B4GALT6: variants seen among roughly 807,000 people sequenced by gnomAD.
B4GALT6 encodes beta-1,4-galactosyltransferase 6, also known as UDP-Gal:beta-GlcNAc beta-1,4-galactosyltransferase 6.
B4GALT6 carries 14 observed loss-of-function variants against 46.3 expected under a neutral mutation model. That is an observed-to-expected ratio of 0.30 (90% confidence interval 0.20 to 0.47). The LOEUF is 0.47. B4GALT6 is among the 20% of genes least tolerant of loss of function. The pLI is 0.99. For synonymous variants in B4GALT6, 168 were observed against 162.0 expected, an observed-to-expected ratio of 1.04 and a Z score of -0.28; for missense variants, 386 against 480.1, an observed-to-expected ratio of 0.80 and a Z score of 1.83.
chr18:31,702,327 C>T, the B4GALT6 span, among the ~76,000 whole-genome samples: 1 of 152,124 alleles, frequency 6.6e-6, no homozygotes, highest in African/African-American at 2.4e-5. Context: ...GATACAAGCA[C>T]AGGGATCTAT....
chr18:31,649,192 C>G (rs955132909), intron 3 of B4GALT6, among the ~76,000 whole-genome samples: 9 of 152,222 alleles, frequency 5.9e-5, no homozygotes, highest in African/African-American at 1.9e-4. Context: ...ACACTAGATA[C>G]TGCCTATTTC....
chr18:31,697,655 G>C, the B4GALT6 span, among the ~76,000 whole-genome samples: 1 of 152,162 alleles, frequency 6.6e-6, no homozygotes, highest in African/African-American at 2.4e-5. Context: ...CTTGGCCTAT[G>C]TGCAGAAGAA....
chr18:31,705,542 C>G, the B4GALT6 span, among the ~76,000 whole-genome samples: 1 of 152,214 alleles, frequency 6.6e-6, no homozygotes, highest in Non-Finnish European at 1.5e-5. Flanking sequence ...GCACCCACCA[C>G]CACGCCCAGC....
At chr18:31,678,304 A>G (rs2074438361) in intron 1 of B4GALT6, among the ~76,000 whole-genome samples, 1 of 152,166 alleles carries the variant, frequency 6.6e-6, no homozygotes, top group African/African-American at 2.4e-5. Flanking sequence ...CACTGATTGC[A>G]GGTCAGTTAG....
At chr18:31,635,166 G>A (rs1048787754) in intron 5 of B4GALT6, among the ~76,000 whole-genome samples, 2 of 152,046 alleles carry the variant, frequency 1.3e-5, no homozygotes, top group African/African-American at 2.4e-5. Flanking sequence ...AGGAGGCAGA[G>A]GTTGCAGTGA....
chr18:31,643,514 G>T (rs2073955634), intron 4 of B4GALT6, among the ~76,000 whole-genome samples: 1 of 152,030 alleles, frequency 6.6e-6, no homozygotes, highest in Non-Finnish European at 1.5e-5. Context: ...GGCCAGGCTG[G>T]TCTCAAACTC....
intron 1 of B4GALT6, among the ~76,000 whole-genome samples, chr18:31,683,277 G>A (rs2074501958): frequency 6.6e-6 from 1 of 152,162 alleles, no homozygotes; most frequent in Non-Finnish European, 1.5e-5. Context: ...AATTCTGCAG[G>A]TGTTTTCACT....
chr18:31,663,543 G>A (rs2074244580), intron 2 of B4GALT6, among the ~76,000 whole-genome samples: 1 of 152,070 alleles, frequency 6.6e-6, no homozygotes, highest in South Asian at 2.1e-4. Context: ...CAGAAAGTCA[G>A]GTATAGGATT....
At chr18:31,649,378 A>T (rs2074031636) in intron 3 of B4GALT6, among the ~76,000 whole-genome samples, 1 of 152,210 alleles carries the variant, frequency 6.6e-6, no homozygotes, top group African/African-American at 2.4e-5. Context: ...TGAATGAATG[A>T]ATGAATGAGT....
upstream of B4GALT6, among the ~76,000 whole-genome samples, chr18:31,687,061 G>A (rs1173724678): frequency 6.6e-6 from 1 of 152,136 alleles, no homozygotes; most frequent in Non-Finnish European, 1.5e-5. Context: ...GACTGCCATC[G>A]GTTTCTCCCC....
At chr18:31,669,800 T>G (rs752536454) in intron 1 of B4GALT6, among the ~76,000 whole-genome samples, 1 of 152,188 alleles carries the variant, frequency 6.6e-6, no homozygotes, top group Non-Finnish European at 1.5e-5. Context: ...CTTGGATTAT[T>G]TAATCCTAAA....
At chr18:31,630,224 A>C (rs1254803822) in intron 6 of B4GALT6, among the ~76,000 whole-genome samples, 1 of 152,088 alleles carries the variant, frequency 6.6e-6, no homozygotes, top group Admixed American at 6.5e-5. Context: ...CACCAGGCAA[A>C]ACTGTGACAC....
At chr18:31,682,412 T>C (rs982060572) in intron 1 of B4GALT6, among the ~76,000 whole-genome samples, 2 of 152,204 alleles carry the variant, frequency 1.3e-5, no homozygotes, top group African/African-American at 4.8e-5. Context: ...AATAACTTAT[T>C]ATCATTTATA....
chr18:31,710,324 G>A, the B4GALT6 span, among the ~76,000 whole-genome samples: 2 of 152,086 alleles, frequency 1.3e-5, no homozygotes, highest in Middle Eastern at 3.2e-3. Flanking sequence ...CTAGATTTCT[G>A]CCTAATATCT....
intron 8 of B4GALT6, among the ~76,000 whole-genome samples, 198 bp downstream of exon 8, chr18:31,626,085 G>A (rs1007916413): frequency 6.6e-6 from 1 of 151,726 alleles, no homozygotes; most frequent in African/African-American, 2.4e-5. Context: ...ATTTATTAAT[G>A]TATATATACG....
At chr18:31,724,042 G>A in the B4GALT6 span, among the ~76,000 whole-genome samples, 5 of 152,178 alleles carry the variant, frequency 3.3e-5, no homozygotes, top group Non-Finnish European at 7.3e-5. Flanking sequence ...GGGGAGGGGA[G>A]GGGTGTTCCG....
chr18:31,654,857 T>C (rs1478010765), intron 3 of B4GALT6, among the ~76,000 whole-genome samples: 1 of 152,226 alleles, frequency 6.6e-6, no homozygotes, highest in East Asian at 1.9e-4. Flanking sequence ...TATTGCATTG[T>C]TCTCTATTAT....
chr18:31,639,040 G>A (rs1250761594), intron 4 of B4GALT6, among the ~76,000 whole-genome samples: 2 of 152,336 alleles, frequency 1.3e-5, no homozygotes, highest in East Asian at 1.9e-4. Context: ...TAAATCAGAT[G>A]TGGTGACTAC....
the B4GALT6 span, among the ~76,000 whole-genome samples, chr18:31,712,284 GTTATTTTT>G: frequency 5.4e-4 from 48 of 88,288 alleles, 1 homozygote; most frequent in Non-Finnish European, 8.0e-4. Context: ...CTACTGGGAC[GTTATTTTT>G]TTTTTTTTTT....
Sources: gnomAD v4.1 joint callset for allele counts (sites outside exome capture counted in the v4.1 genomes callset) on GRCh38, gnomAD v4.1.1 for gene constraint, MANE v1.5 for transcripts, NCBI Gene and HGNC (gene_info 2026-07-23, HGNC 2026-07-21) for gene names.